GEMIN5: variants seen among roughly 807,000 people sequenced by gnomAD.
GEMIN5 encodes the protein gem-associated protein 5.
A neutral mutation model predicts 176.9 loss-of-function variants in GEMIN5; 124 were observed. The observed-to-expected ratio is 0.70, with a 90% CI of 0.61 to 0.81. The LOEUF (loss-of-function observed/expected upper bound fraction) is 0.81. Ranked by LOEUF, GEMIN5 falls within the 40% of genes least tolerant of loss-of-function variation. The pLI, the probability that GEMIN5 is intolerant of heterozygous loss-of-function variation, is 0.00. For synonymous variants in GEMIN5, 673 were observed against 665.2 expected, an observed-to-expected ratio of 1.01 and a Z score of -0.18; for missense variants, 1,843 against 1,814.6, an observed-to-expected ratio of 1.02 and a Z score of -0.28.
At chr5:154,931,654 T>C (rs778755092) in intron 4 of GEMIN5, 77 bp from the exon 5 acceptor site, 4 of 1,223,106 alleles carry the variant, frequency 3.3e-6, no homozygotes, top group Non-Finnish European at 4.6e-6. Flanking sequence ...TTGCAAGAGT[T>C]TCCAAAACTT....
intron 13 of GEMIN5, among the ~76,000 whole-genome samples, chr5:154,913,993 C>G (rs1763761311): frequency 6.6e-6 from 1 of 151,926 alleles, no homozygotes; most frequent in African/African-American, 2.4e-5. Flanking sequence ...ACAGTGAGAC[C>G]CAGTTTCTAA....
chr5:154,897,902 GTTTTTTTTTGTGTTTTTTT>G, intron 23 of GEMIN5, among the ~76,000 whole-genome samples: 1 of 125,106 alleles, frequency 8.0e-6, no homozygotes, highest in Non-Finnish European at 1.7e-5. Context: ...TGACTAAGGT[GTTTTTTTTTGTGTTTTTTT>G]TTTTTTTTTT....
rs753949845 is a variant in GEMIN5, at chr5:154,896,233, G to A, written c.3456C>T (p.Thr1152=). The change falls in exon 24 of 28, where the codon ACC becomes ACT. Residue 1152 remains threonine, a synonymous_variant. Coordinates refer to ENST00000285873, the MANE Select transcript of GEMIN5 (RefSeq NM_015465.5). ...TCACCCTCTCCACGAAAGGCCCTTCGGTGCCCGTGTTCCAAGTGTGGTAAG... is the reference window on the plus strand; with the variant it reads ...TCACCCTCTCCACGAAAGGCCCTTCAGTGCCCGTGTTCCAAGTGTGGTAAG... ...SSSYHTWNTG[T]EGPFVERVTA... is the part of the protein sequence containing the mutation. 2.3e-5 allele frequency: 37 copies of A among 1,613,738 alleles called. No individual in the cohort carries two copies. Among genetic ancestry groups the A allele is most frequent in the South Asian group, 6.6e-5 (6 of 91,000 alleles).
chr5:154,902,516 G>T (rs1561713560), intron 20 of GEMIN5, 23 bp downstream of exon 20: 2 of 1,612,246 alleles, frequency 1.2e-6, no homozygotes, highest in Non-Finnish European at 1.7e-6. Context: ...TTGTTGAAAA[G>T]AACAAACAAA....
At chr5:154,901,927 A>G (rs139530101) in intron 20 of GEMIN5, among the ~76,000 whole-genome samples, 28 of 152,152 alleles carry the variant, frequency 1.8e-4, no homozygotes, top group African/African-American at 6.5e-4. Flanking sequence ...CAGCCTCCCG[A>G]GTAGCGGGGA....
chr5:154,909,834 G>T (rs1473971774), intron 15 of GEMIN5, among the ~76,000 whole-genome samples: 1 of 152,026 alleles, frequency 6.6e-6, no homozygotes, highest in African/African-American at 2.4e-5. Flanking sequence ...CAAACAATTA[G>T]CTGGGTGTGA....
chr5:154,888,918 C>T (rs1270292658), intron 27 of GEMIN5, among the ~76,000 whole-genome samples: 1 of 151,096 alleles, frequency 6.6e-6, no homozygotes, highest in Non-Finnish European at 1.5e-5. Flanking sequence ...AGTGCAGTGG[C>T]GTGATCTTGG....
At chr5:154,904,807 C>T (rs1469157805) in intron 17 of GEMIN5, among the ~76,000 whole-genome samples, 178 bp from the exon 18 acceptor site, 1 of 152,106 alleles carries the variant, frequency 6.6e-6, no homozygotes, top group Non-Finnish European at 1.5e-5. Context: ...ACAATACACA[C>T]AAAAACGCTC....
intron 8 of GEMIN5, 97 bp from the exon 9 acceptor site, chr5:154,924,651 G>T (rs2113501841): frequency 1.3e-6 from 1 of 758,712 alleles, no homozygotes; most frequent in Non-Finnish European, 2.3e-6. Context: ...AGGGAAAACT[G>T]TCTTGCTCTG....
intron 23 of GEMIN5, among the ~76,000 whole-genome samples, chr5:154,897,733 G>T: frequency 6.6e-6 from 1 of 151,946 alleles, no homozygotes; most frequent in Non-Finnish European, 1.5e-5. Context: ...GCGATCTGCT[G>T]CATCTGGCCC....
intron 23 of GEMIN5, among the ~76,000 whole-genome samples, chr5:154,897,306 C>A (rs1763370692): frequency 6.6e-6 from 1 of 152,170 alleles, no homozygotes; most frequent in Non-Finnish European, 1.5e-5. Flanking sequence ...ACTTAAAAAA[C>A]CTCTTGTTAG....
chr5:154,899,253 G>C lies in GEMIN5; in HGVS notation c.3072C>G (p.Asp1024Glu). The part of the protein sequence containing the change: ...RLRPEDPVLK[D>E]LYLSWGTVLE... ...GGACGGTTCCCCAGCTGAGGTACAA[G>C]TCCTTCAGGACTGGGTCCTCCGGGC... Residue 1024 changes from aspartate (D) to glutamate (E), a missense_variant, in exon 22 of 28, where the codon GAC (aspartate) becomes GAG (glutamate). Asp to Glu is a conservative substitution (Grantham distance 45). Transcript: ENST00000285873. 2 of 1,613,286 alleles carry C rather than the reference G, an allele frequency of 1.2e-6. No individual in the cohort carries two copies. Among genetic ancestry groups the C allele is most frequent in the Non-Finnish European group, 1.7e-6 (2 of 1,179,568 alleles).
chr5:154,933,459 T>C (rs1764206279), intron 3 of GEMIN5, among the ~76,000 whole-genome samples: 1 of 152,258 alleles, frequency 6.6e-6, no homozygotes, highest in South Asian at 2.1e-4. Context: ...CATTTTCCTT[T>C]TGAAGGGCTT....
At chr5:154,912,719 C>G (rs989857024) in intron 14 of GEMIN5, among the ~76,000 whole-genome samples, 180 bp downstream of exon 14, 2 of 151,850 alleles carry the variant, frequency 1.3e-5, no homozygotes, top group African/African-American at 4.8e-5. Context: ...AAAAAAAAAC[C>G]CAGTCTTAGC....
chr5:154,899,053 A>G (rs1763413033), intron 22 of GEMIN5, 138 bp downstream of exon 22: 1 of 796,166 alleles, frequency 1.3e-6, no homozygotes, highest in Non-Finnish European at 2.0e-6. Context: ...TTATGAAACT[A>G]AGTTGAATAT....
At chr5:154,902,724 T>C in intron 19 of GEMIN5, 48 bp from the exon 20 acceptor site, 2 of 1,589,400 alleles carry the variant, frequency 1.3e-6, no homozygotes, top group South Asian at 1.1e-5. Context: ...GAAACATCTG[T>C]TACTGACTTG....
Position 154,891,362 on chromosome 5 carries a change from A to G in GEMIN5, c.4141T>C (p.Leu1381=), listed in dbSNP as rs1763222150. The change falls in exon 26 of 28, where the codon TTG becomes CTG. Residue 1381 remains leucine (L), a synonymous_variant. Transcript: ENST00000285873. ...TGGTGTTGTCGGATCATTTCTGCCA[A>G]GGTCTCTTGGACTTCAGCAACAGTT... is the stretch of plus-strand genomic sequence containing the variant. The part of the protein sequence containing the change: ...QRTVAEVQET[L]AEMIRQHQKS... 6 of 1,613,960 alleles carry G rather than the reference A, an allele frequency of 3.7e-6. No individual in the cohort carries two copies. The East Asian group carries it at 1.3e-4, about 36-fold the overall frequency.
rs139196921 is a variant in GEMIN5 at position 154,921,239 on chromosome 5, T to A, written c.1462+104A>T. ...GGACATAAGTAGCCCACATAAGCAGTCAGTGCACTAGACCATTTATGACTC... is the reference window on the plus strand; with the variant it reads ...GGACATAAGTAGCCCACATAAGCAGACAGTGCACTAGACCATTTATGACTC... On this transcript the variant is annotated intron_variant, in intron 10 of 27. Coordinates refer to ENST00000285873, the MANE Select transcript of GEMIN5 (RefSeq NM_015465.5). 45 of 693,414 alleles carry A rather than the reference T, an allele frequency of 6.5e-5. No individual in the cohort carries two copies. The East Asian group carries it at 1.2e-3, about 18-fold the overall frequency. 43.0% of individuals were successfully genotyped at this position (693,414 alleles called of 1,614,324 possible).
Position 154,925,920 on chromosome 5 carries a change from A to G in GEMIN5, c.1235T>C (p.Ile412Thr). The G allele has an allele frequency of 6.2e-7, 1 of 1,613,918 alleles. No individual in the cohort carries two copies. Among genetic ancestry groups the G allele is most frequent in the African/African-American group, 1.3e-5 (1 of 75,044 alleles). ...GMIRVWNTLS[I>T]KNNYDVKNFW... ...ATTTTTCACATCATAGTTGTTCTTT[A>G]TGGAGAGTGTATTCCATACACGGAT... The change falls in exon 8 of 28, where the codon ATA (isoleucine) becomes ACA (threonine). Residue 412 changes from isoleucine (I) to threonine (T), a missense_variant. Transcript: ENST00000285873.
Sources: allele counts gnomAD v4.1 joint callset (sites outside exome capture counted in the v4.1 genomes callset), GRCh38; gene constraint gnomAD v4.1.1; transcripts MANE v1.5; gene names NCBI Gene and HGNC (gene_info 2026-07-23, HGNC 2026-07-21).